Variants in RAD54B observed in about 807,000 individuals in gnomAD.
The protein encoded by RAD54B is RAD54 homolog B, also known as DNA repair and recombination protein RAD54B.
A neutral mutation model predicts 95.8 loss-of-function variants in RAD54B; 78 were observed. That is an observed-to-expected ratio of 0.81 (90% CI 0.68 to 0.98). The LOEUF is 0.98. RAD54B is among the 50% of genes least tolerant of loss of function. RAD54B has a pLI of 0.00. For missense variants in RAD54B, 957 were observed against 1,056.6 expected, an observed-to-expected ratio of 0.91 and a Z score of 1.31; for synonymous variants, 328 against 354.9, an observed-to-expected ratio of 0.92 and a Z score of 0.85.
intron 3 of RAD54B, among the ~76,000 whole-genome samples, chr8:94,452,654 C>T (rs149311821): frequency 0.038 from 5,735 of 152,140 alleles, 236 homozygotes; most frequent in Admixed American, 0.11. Context: ...CCCACCACCA[C>T]GCCCAGCTAA....
At chr8:94,382,282 G>T (rs1005728202) in intron 11 of RAD54B, among the ~76,000 whole-genome samples, 5 of 152,138 alleles carry the variant, frequency 3.3e-5, no homozygotes, top group Admixed American at 2.6e-4. Context: ...ATCAATTTTT[G>T]ATGAAGAAAA....
intron 3 of RAD54B, among the ~76,000 whole-genome samples, chr8:94,457,918 C>A (rs2919663): frequency 0.54 from 81,460 of 151,938 alleles, 23,185 homozygotes; most frequent in East Asian, 0.79. Flanking sequence ...CAAGTAACTA[C>A]TTTCAAGTTC....
chr8:94,441,704 G>A (rs982127286), intron 3 of RAD54B, among the ~76,000 whole-genome samples: 8 of 152,194 alleles, frequency 5.3e-5, no homozygotes, highest in African/African-American at 1.9e-4. Context: ...CCTCTCCCCA[G>A]AGATAGGGGT....
intron 8 of RAD54B, among the ~76,000 whole-genome samples, chr8:94,396,431 A>G (rs1811148035): frequency 6.6e-6 from 1 of 151,362 alleles, no homozygotes; most frequent in Non-Finnish European, 1.5e-5. Context: ...TTGTTTTTTT[A>G]AAAAAGAAAT....
intron 9 of RAD54B, 61 bp from the exon 10 acceptor site, chr8:94,391,960 C>T (rs1811034459): frequency 1.4e-6 from 2 of 1,385,942 alleles, no homozygotes; most frequent in Non-Finnish European, 2.0e-6. Context: ...TTAAAATGAA[C>T]ATTAAAGATT....
At chr8:94,443,237 G>A (rs551312270) in intron 3 of RAD54B, among the ~76,000 whole-genome samples, 84 of 152,120 alleles carry the variant, frequency 5.5e-4, no homozygotes, top group Non-Finnish European at 1.0e-3. Flanking sequence ...ACCAAATATC[G>A]CATGTTCTCA....
chr8:94,380,531 A>G (rs2129955961), intron 11 of RAD54B, 125 bp from the exon 12 acceptor site: 2 of 970,528 alleles, frequency 2.1e-6, no homozygotes, highest in South Asian at 3.6e-5. Context: ...ATGACCTTGT[A>G]CAATTAAAAC....
chr8:94,462,235 T>G (rs975837788), intron 2 of RAD54B, among the ~76,000 whole-genome samples: 7 of 152,318 alleles, frequency 4.6e-5, no homozygotes, highest in African/African-American at 1.7e-4. Context: ...GATCACTGAT[T>G]AAGGTGGTGT....
At chr8:94,437,484 C>A (rs189581727) in intron 3 of RAD54B, among the ~76,000 whole-genome samples, 4 of 152,224 alleles carry the variant, frequency 2.6e-5, no homozygotes, top group Admixed American at 2.6e-4. Context: ...TAGGTTACAC[C>A]CAGACCCAGA....
rs776151766 is a variant in RAD54B, at chr8:94,404,649, C to A, written c.782-410G>T. ...TTCACAGCTTCTCATTCTGAAAAGTCTCCCCAAATTTAACATACAGGCTTT... is the reference window on the plus strand; with the variant it reads ...TTCACAGCTTCTCATTCTGAAAAGTATCCCCAAATTTAACATACAGGCTTT... On this transcript the variant is annotated intron_variant, in intron 5 of 14. Transcript: ENST00000336148. Among the ~76,000 whole-genome samples the A allele has an allele frequency of 3.2e-4, 48 of 152,212 alleles. 1 individual carries two copies. Among genetic ancestry groups the A allele is most frequent in the Middle Eastern group, 3.4e-3 (1 of 294 alleles).
chr8:94,447,011 A>G (rs564801528), intron 3 of RAD54B, among the ~76,000 whole-genome samples: 2 of 152,180 alleles, frequency 1.3e-5, no homozygotes, highest in East Asian at 3.9e-4. Flanking sequence ...AAAATAGGGC[A>G]AAAACTAGGG....
chr8:94,393,648 C>T, intron 9 of RAD54B, 95 bp downstream of exon 9: 1 of 1,216,794 alleles, frequency 8.2e-7, no homozygotes, highest in South Asian at 1.4e-5. Flanking sequence ...AGAGTTCACA[C>T]TATTGATTTT....
chr8:94,454,385 A>T (rs2130168930), intron 3 of RAD54B, among the ~76,000 whole-genome samples: 1 of 152,354 alleles, frequency 6.6e-6, no homozygotes, highest in Admixed American at 6.5e-5. Flanking sequence ...GCTAAATGCC[A>T]CTTAATTGTA....
intron 3 of RAD54B, among the ~76,000 whole-genome samples, chr8:94,446,607 T>G (rs966455668): frequency 6.6e-6 from 1 of 152,138 alleles, no homozygotes; most frequent in African/African-American, 2.4e-5. Context: ...GAAAAGAAAT[T>G]TATCTGGCAG....
intron 6 of RAD54B, among the ~76,000 whole-genome samples, chr8:94,402,539 C>G (rs1488637345): frequency 6.6e-6 from 1 of 152,158 alleles, no homozygotes; most frequent in Non-Finnish European, 1.5e-5. Context: ...CAGGTGTAAG[C>G]CACCATGCCC....
chr8:94,411,263 A>G lies in RAD54B; in HGVS notation c.357T>C (p.Ser119=). The part of the protein sequence containing the change: ...VAVSKEQEEK[S]DSLVKYFSVV... ...CACTGAAATATTTAACTAGGCTATC[A>G]GATTTCTCTTCTTGTTCCTTGGACA... Residue 119 remains serine (S), a synonymous_variant, in exon 4 of 15, where the codon TCT becomes TCC. Transcript: ENST00000336148. 1 of 1,608,540 alleles carries G rather than the reference A, an allele frequency of 6.2e-7. No homozygotes were observed. The highest frequency in any genetic ancestry group is 1.3e-5 in the African/African-American group (1 of 74,684).
At chr8:94,463,440 A>G (rs971968140) in intron 2 of RAD54B, among the ~76,000 whole-genome samples, 1 of 152,148 alleles carries the variant, frequency 6.6e-6, no homozygotes, top group African/African-American at 2.4e-5. Context: ...TGGTAGGGAT[A>G]TGGAAAAATT....
intron 10 of RAD54B, among the ~76,000 whole-genome samples, chr8:94,390,894 G>GT (rs1396213436): frequency 1.3e-5 from 2 of 151,974 alleles, no homozygotes; most frequent in Non-Finnish European, 2.9e-5. Context: ...TAGCCTGAAG[G>GT]TAATTTTATA....
At chr8:94,394,502 T>C (rs1811098007) in intron 8 of RAD54B, among the ~76,000 whole-genome samples, 2 of 152,104 alleles carry the variant, frequency 1.3e-5, no homozygotes, top group Non-Finnish European at 2.9e-5. Context: ...CCCAGCAAAA[T>C]GCCTGACACT....
Sources: gnomAD v4.1 joint callset for allele counts (sites outside exome capture counted in the v4.1 genomes callset) on GRCh38, gnomAD v4.1.1 for gene constraint, MANE v1.5 for transcripts, NCBI Gene and HGNC (gene_info 2026-07-23, HGNC 2026-07-21) for gene names.